DNER: variants seen among roughly 807,000 people sequenced by gnomAD.
The protein encoded by DNER is delta/notch like EGF repeat containing, also known as delta and Notch-like epidermal growth factor-related receptor.
Under a neutral mutation model 78.2 loss-of-function variants are expected in DNER, and 33 were observed. The ratio of observed to expected loss-of-function variants is 0.42; its 90% CI spans 0.32 to 0.56. The LOEUF (loss-of-function observed/expected upper bound fraction) is 0.56, where lower values mean the gene tolerates loss of function less well. Ranked by LOEUF, DNER falls within the 20% of genes least tolerant of loss-of-function variation. DNER has a pLI of 0.11. For missense variants in DNER, 918 were observed against 975.3 expected (o/e 0.94, Z 0.78); for synonymous variants, 417 against 384.8 (o/e 1.08, Z -0.98).
At chr2:229,500,550 G>T (rs1695598098) in intron 6 of DNER, among the ~76,000 whole-genome samples, 2 of 152,304 alleles carry the variant, frequency 1.3e-5, no homozygotes, top group South Asian at 2.1e-4. Flanking sequence ...CAAAGGAATT[G>T]AAATCAGTAT....
chr2:229,420,014 A>AC (rs1209853384), intron 8 of DNER, among the ~76,000 whole-genome samples: 1 of 150,542 alleles, frequency 6.6e-6, no homozygotes, highest in Non-Finnish European at 1.5e-5. Flanking sequence ...ATCCAGAAAA[A>AC]AATAACAATA....
chr2:229,425,161 T>C (rs1409201690), intron 8 of DNER, among the ~76,000 whole-genome samples: 1 of 152,180 alleles, frequency 6.6e-6, no homozygotes, highest in Non-Finnish European at 1.5e-5. Flanking sequence ...GACTCTCTCC[T>C]GTACTGCTAT....
In DNER at chr2:229,543,751, C is replaced by T. The variant is rs187535766; in HGVS notation, c.993+3196G>A. On this transcript the variant is annotated intron_variant, in intron 5 of 12. Transcript: ENST00000341772. The stretch of plus-strand genomic sequence containing the variant: ...CACCCTTCCTCTCTTCTGGCACCTC[C>T]TTATCAAATACGTTCTCCCATAGAC... Among the ~76,000 whole-genome samples, 287 of 152,274 alleles carry T rather than the reference C, an allele frequency of 1.9e-3. 1 individual carries two copies. Among genetic ancestry groups the T allele is most frequent in the Middle Eastern group, 6.8e-3 (2 of 294 alleles).
chr2:229,714,047 T>A, intron 1 of DNER, 101 bp downstream of exon 1: 1 of 1,113,762 alleles, frequency 9.0e-7, no homozygotes, highest in Non-Finnish European at 1.1e-6. Context: ...GGAAAGCCTG[T>A]GTCAGGCGTG....
intron 11 of DNER, among the ~76,000 whole-genome samples, chr2:229,387,503 GAAAGAGAGAAAGAAAGAAAGAA>G (rs1559337830): frequency 1.3e-4 from 14 of 104,800 alleles, no homozygotes; most frequent in African/African-American, 4.9e-4. Context: ...AAGAAAGAAA[GAAAGAGAGAAAGAAAGAAAGAA>G]AGAAAGAAAG....
At chr2:229,669,853 C>T (rs1406689627) in intron 1 of DNER, among the ~76,000 whole-genome samples, 1 of 152,080 alleles carries the variant, frequency 6.6e-6, no homozygotes, top group African/African-American at 2.4e-5. Flanking sequence ...AACATTTTTT[C>T]TAAAATAAAT....
chr2:229,631,997 G>A (rs1698440694), intron 1 of DNER, among the ~76,000 whole-genome samples: 1 of 152,154 alleles, frequency 6.6e-6, no homozygotes, highest in Non-Finnish European at 1.5e-5. Flanking sequence ...ATTCCTGCCA[G>A]TATTTTTCCT....
chr2:229,396,944 T>C (rs1693157419), intron 10 of DNER, among the ~76,000 whole-genome samples: 1 of 152,132 alleles, frequency 6.6e-6, no homozygotes, highest in Admixed American at 6.5e-5. Context: ...TGTGAAGGAA[T>C]TGTGCCATTT....
At chr2:229,362,790 C>T (rs1286190711) in intron 12 of DNER, among the ~76,000 whole-genome samples, 1 of 152,166 alleles carries the variant, frequency 6.6e-6, no homozygotes, top group Non-Finnish European at 1.5e-5. Context: ...ACATCTCAAA[C>T]ATCCTATTTG....
intron 7 of DNER, among the ~76,000 whole-genome samples, chr2:229,464,058 A>G (rs1313050182): frequency 6.6e-6 from 1 of 152,212 alleles, no homozygotes; most frequent in Non-Finnish European, 1.5e-5. Flanking sequence ...CTCATGGGAC[A>G]GTTGGCTTTT....
intron 1 of DNER, among the ~76,000 whole-genome samples, chr2:229,617,202 G>T (rs1357422752): frequency 6.6e-6 from 1 of 152,120 alleles, no homozygotes; most frequent in African/African-American, 2.4e-5. Flanking sequence ...TCCCTTTCTT[G>T]ATTCCATAAC....
chr2:229,610,662 C>A (rs1029730397), intron 1 of DNER, among the ~76,000 whole-genome samples: 1 of 151,974 alleles, frequency 6.6e-6, no homozygotes, highest in African/African-American at 2.4e-5. Context: ...TTTGGCAATG[C>A]TCAGAAATGT....
At chr2:229,366,525 G>A (rs987766547) in intron 12 of DNER, among the ~76,000 whole-genome samples, 1 of 152,146 alleles carries the variant, frequency 6.6e-6, no homozygotes, top group Non-Finnish European at 1.5e-5. Flanking sequence ...TATGTTGACT[G>A]TTTGAAGAGC....
At chr2:229,678,944 G>A (rs1287047433) in intron 1 of DNER, among the ~76,000 whole-genome samples, 1 of 152,192 alleles carries the variant, frequency 6.6e-6, no homozygotes, top group Non-Finnish European at 1.5e-5. Context: ...ACATGCTGTT[G>A]AACAGATGTG....
At chr2:229,460,125 C>T (rs1694662564) in intron 7 of DNER, among the ~76,000 whole-genome samples, 1 of 137,740 alleles carries the variant, frequency 7.3e-6, no homozygotes, top group Admixed American at 7.9e-5. Flanking sequence ...CCACTACACT[C>T]CAGCCTGGGT....
chr2:229,684,167 A>AGT (rs1362937188), intron 1 of DNER, among the ~76,000 whole-genome samples: 1,315 of 102,960 alleles, frequency 0.013, 3 homozygotes, highest in Non-Finnish European at 0.016. Flanking sequence ...AGAGAGAGAG[A>AGT]GAGTGTGTGT....
Position 229,418,091 on chromosome 2 carries a change from G to A in DNER, c.1609+17C>T, listed in dbSNP as rs1221744132. On this transcript the variant is annotated intron_variant, in intron 9 of 12. Coordinates refer to ENST00000341772, the MANE Select transcript of DNER (RefSeq NM_139072.4). ...TTTAGAGCCATTCTGGCACAGGAAGGCCAGGCGGCCTCTCACCTTTGTATT... is the reference window on the plus strand; with the variant it reads ...TTTAGAGCCATTCTGGCACAGGAAGACCAGGCGGCCTCTCACCTTTGTATT... The A allele has an allele frequency of 5.0e-6, 8 of 1,613,956 alleles. No homozygotes were observed. Among genetic ancestry groups the A allele is most frequent in the Non-Finnish European group, 6.8e-6 (8 of 1,179,980 alleles).
At chr2:229,547,593 G>A (rs1340635516) in intron 4 of DNER, among the ~76,000 whole-genome samples, 4 of 152,116 alleles carry the variant, frequency 2.6e-5, no homozygotes, top group African/African-American at 4.8e-5. Context: ...CCCTAGTCTC[G>A]GTCCCCTTGG....
chr2:229,441,169 C>T (rs1182525391), intron 8 of DNER, among the ~76,000 whole-genome samples: 1 of 152,036 alleles, frequency 6.6e-6, no homozygotes, highest in Non-Finnish European at 1.5e-5. Flanking sequence ...TTGAACTCCT[C>T]CCCCATGACC....
Sources: gnomAD v4.1 joint callset for allele counts (sites outside exome capture counted in the v4.1 genomes callset) on GRCh38, gnomAD v4.1.1 for gene constraint, MANE v1.5 for transcripts, NCBI Gene and HGNC (gene_info 2026-07-23, HGNC 2026-07-21) for gene names.